The following CASZ1 variants were observed in gnomAD, a reference collection of about 807,000 sequenced individuals.
CASZ1 encodes zinc finger protein castor homolog 1.
In CASZ1, 28 loss-of-function variants were observed where a neutral mutation model predicts 135.2. The observed-to-expected ratio is 0.21, with a 90% CI of 0.15 to 0.28. The LOEUF (loss-of-function observed/expected upper bound fraction) is 0.28. Among genes scored for constraint, CASZ1 ranks in the 10% least tolerant of loss-of-function variants. The probability of loss-of-function intolerance (pLI) is 1.00; values close to 1 mark genes in which losing one functional copy is unlikely to be tolerated. For missense variants in CASZ1, 2,161 were observed against 2,453.3 expected (o/e 0.88, Z 2.52); for synonymous variants, 1,068 against 1,073.4 (o/e 0.99, Z 0.10).
At chr1:10,675,022 G>A (rs284314) in intron 4 of CASZ1, among the ~76,000 whole-genome samples, 4 of 151,790 alleles carry the variant, frequency 2.6e-5, no homozygotes, top group Non-Finnish European at 2.9e-5. Context: ...GATACCCCCC[G>A]CAACCAACTG....
rs370819293 is a variant in CASZ1, at chr1:10,645,054, C to A, written c.3731G>T (p.Cys1244Phe). 6.2e-7 allele frequency: 1 copy of A among 1,613,852 alleles called. No homozygotes were observed. Among genetic ancestry groups the A allele is most frequent in the African/African-American group, 1.3e-5 (1 of 74,936 alleles). ...CACAAAATAGCAGCCGGTGCGGAGG[C>A]AGTGGTAGTGCCCACGCATTCGGAA... ...CEFRMRGHYHCLRTGCYFVTN... is the reference protein window; with the variant it reads ...CEFRMRGHYHFLRTGCYFVTN... The change falls in exon 18 of 21, where the codon TGC (cysteine) becomes TTC (phenylalanine). Residue 1244 changes from cysteine to phenylalanine, a missense_variant. Transcript: ENST00000377022.
Position 10,788,584 on chromosome 1 carries a change from G to T in CASZ1, c.-234+7980C>A, listed in dbSNP as rs1640899713. Among the ~76,000 whole-genome samples, 1 of 152,226 alleles carries T rather than the reference G, an allele frequency of 6.6e-6. No individual in the cohort carries two copies. The highest frequency in any genetic ancestry group is 2.4e-5 in the African/African-American group (1 of 41,462). On this transcript the variant is annotated intron_variant, in intron 1 of 20. Transcript: ENST00000377022. The surrounding 1 kb of genome is among the most constrained non-coding windows in gnomAD (Gnocchi z 4.1). ...AGGGAAGAAGCACAGCCCAGAGACTGCCCGCCGTCAAACCAAGGCTCAGCA... is the reference window on the plus strand; with the variant it reads ...AGGGAAGAAGCACAGCCCAGAGACTTCCCGCCGTCAAACCAAGGCTCAGCA...
chr1:10,737,371 G>C (rs200854839), intron 2 of CASZ1, among the ~76,000 whole-genome samples: 32 of 152,154 alleles, frequency 2.1e-4, no homozygotes, highest in African/African-American at 7.5e-4. Context: ...GCCTGGAGGG[G>C]CCTTCAGAAG....
intron 4 of CASZ1, among the ~76,000 whole-genome samples, chr1:10,668,244 C>T (rs1040336406): frequency 3.9e-5 from 6 of 152,126 alleles, no homozygotes; most frequent in Non-Finnish European, 7.4e-5. Context: ...ATAGACGATC[C>T]GCCCCCCACC....
intron 20 of CASZ1, 136 bp from the exon 21 acceptor site, chr1:10,640,195 T>G: frequency 1.5e-6 from 2 of 1,308,780 alleles, no homozygotes; most frequent in Non-Finnish European, 1.0e-6. Context: ...TTCCCCTGGC[T>G]TGGGAGGCCT....
Position 10,653,800 on chromosome 1 carries a change from C to T in CASZ1, c.2257G>A (p.Ala753Thr). ...TSQQSSASLA[A>T]ATAATEAGPS... ...CCAGCCTCGGTGGCGGCAGTGGCGGCAGCCAGGGACGCAGAGGACTGCTGG... is the reference window on the plus strand; with the variant it reads ...CCAGCCTCGGTGGCGGCAGTGGCGGTAGCCAGGGACGCAGAGGACTGCTGG... Residue 753 changes from alanine to threonine, a missense_variant, in exon 11 of 21, where the codon GCC (alanine) becomes ACC (threonine). Ala to Thr is a moderately conservative substitution (Grantham distance 58). Coordinates refer to ENST00000377022, the MANE Select transcript of CASZ1 (RefSeq NM_001079843.3). The T allele has an allele frequency of 6.2e-7, 1 of 1,609,242 alleles. No individual in the cohort carries two copies. The highest frequency in any genetic ancestry group is 8.5e-7 in the Non-Finnish European group (1 of 1,177,408).
At chr1:10,790,047 C>A (rs1640928381) in intron 1 of CASZ1, among the ~76,000 whole-genome samples, 1 of 152,192 alleles carries the variant, frequency 6.6e-6, no homozygotes, top group African/African-American at 2.4e-5. Flanking sequence ...AGCCCTGCAA[C>A]CAAAGGGAGC....
intron 4 of CASZ1, among the ~76,000 whole-genome samples, chr1:10,689,341 T>C (rs1638693669): frequency 6.6e-6 from 1 of 152,220 alleles, no homozygotes; most frequent in Non-Finnish European, 1.5e-5. Flanking sequence ...CCTCCAAAGG[T>C]GCCTGCATTT....
intron 1 of CASZ1, among the ~76,000 whole-genome samples, chr1:10,770,673 C>T (rs1309709885): frequency 2.0e-5 from 3 of 152,174 alleles, no homozygotes; most frequent in African/African-American, 7.2e-5. Context: ...GCTGGGCCTG[C>T]AATTTTCCAG....
chr1:10,729,940 G>A (rs1639673940), intron 2 of CASZ1, among the ~76,000 whole-genome samples: 1 of 151,554 alleles, frequency 6.6e-6, no homozygotes, highest in Non-Finnish European at 1.5e-5. Context: ...TTAGCCTCCA[G>A]AGTAGCTGGG....
chr1:10,745,411 T>C (rs4845956), intron 2 of CASZ1, among the ~76,000 whole-genome samples: 51,903 of 151,730 alleles, frequency 0.34, 9,423 homozygotes, highest in African/African-American at 0.48. Context: ...CACAGACAGC[T>C]TCTTGACCTT....
At chr1:10,740,289 G>A (rs551742007) in intron 2 of CASZ1, among the ~76,000 whole-genome samples, 4 of 152,278 alleles carry the variant, frequency 2.6e-5, no homozygotes, top group African/African-American at 9.6e-5. Context: ...AGCACTTCAG[G>A]CCCCAGCTCT....
At chr1:10,649,528 TGGG>T in intron 13 of CASZ1, 91 bp from the exon 14 acceptor site, 8 of 1,421,786 alleles carry the variant, frequency 5.6e-6, no homozygotes, top group Non-Finnish European at 7.6e-6. Context: ...TCTGGGCTGC[TGGG>T]ACCCACCCAG....
At chr1:10,753,833 T>C (rs528494908) in intron 2 of CASZ1, among the ~76,000 whole-genome samples, 12 of 152,300 alleles carry the variant, frequency 7.9e-5, no homozygotes, top group African/African-American at 2.6e-4. Context: ...GGTCTTGTTT[T>C]TTAATAAAGA....
chr1:10,786,294 C>G (rs138856983), intron 1 of CASZ1, among the ~76,000 whole-genome samples: 2 of 152,206 alleles, frequency 1.3e-5, no homozygotes, highest in Admixed American at 1.3e-4. Flanking sequence ...GCCCCTGCCC[C>G]ACTTGAGGGA....
At chr1:10,641,405 G>A (rs1170553794) in intron 20 of CASZ1, among the ~76,000 whole-genome samples, 1 of 152,164 alleles carries the variant, frequency 6.6e-6, no homozygotes, top group African/African-American at 2.4e-5. Flanking sequence ...ATTAGCAGAG[G>A]AGTCCGAGCC....
chr1:10,687,325 TCAG>T (rs1411910610), intron 4 of CASZ1, among the ~76,000 whole-genome samples: 2 of 152,194 alleles, frequency 1.3e-5, no homozygotes. Flanking sequence ...TGCCCCAGCC[TCAG>T]CCAGGTGGCA....
At position 10,680,318 on chromosome 1, in the gene CASZ1, G is replaced by A. The variant is rs572212250; in HGVS notation, c.16+13556C>T. Among the ~76,000 whole-genome samples the A allele has an allele frequency of 7.4e-4, 112 of 151,986 alleles. 4 individuals carry two copies. The East Asian group carries it at 0.019, about 26-fold the overall frequency. On this transcript the variant is annotated intron_variant, in intron 4 of 20. Transcript: ENST00000377022. ...GGGAGGGGGGTGCGAGGCCGGCTCT[G>A]GGGGTGGAGGAAGGAGCTGAACTTG...
rs1350505767 is a variant in CASZ1 at position 10,651,027 on chromosome 1, C to A, written c.2730G>T (p.Lys910Asn). ...CGCCGGTGCTCTCACCGGGTTCCGG[C>A]TTCACTTGGGCCGGGGGGAACCTGG... ...TPARFPPAQVKPEPGESTGAP... is the reference protein window; with the variant it reads ...TPARFPPAQVNPEPGESTGAP... Residue 910 changes from lysine to asparagine, a missense_variant, in exon 12 of 21, where the codon AAG becomes AAT. Physicochemically the swap from Lys to Asn is moderately conservative, Grantham distance 94. This residue lies in a region of CASZ1 where 406 missense variants were observed against 387.6 expected (regional missense o/e 1.05). Transcript: ENST00000377022. The A allele has an allele frequency of 2.6e-6, 4 of 1,562,180 alleles. No individual in the cohort carries two copies. Among genetic ancestry groups the A allele is most frequent in the Non-Finnish European group, 3.4e-6 (4 of 1,163,580 alleles).
Sources: gnomAD v4.1 joint callset for allele counts (sites outside exome capture counted in the v4.1 genomes callset) on GRCh38, gnomAD v4.1.1 for gene constraint, gnomAD v4.1.1 regional missense constraint, Gnocchi (gnomAD v3.1) non-coding constraint, MANE v1.5 for transcripts, NCBI Gene and HGNC (gene_info 2026-07-23, HGNC 2026-07-21) for gene names.